Variants in RBMS1 observed in about 807,000 individuals in gnomAD.
RBMS1 encodes RNA-binding motif, single-stranded-interacting protein 1.
Under a neutral mutation model 62.3 loss-of-function variants are expected in RBMS1, and 17 were observed. The observed-to-expected ratio is 0.27, with a 90% confidence interval of 0.19 to 0.41. The LOEUF (loss-of-function observed/expected upper bound fraction) is 0.41, where lower values mean the gene tolerates loss of function less well. Ranked by LOEUF, RBMS1 falls within the 10% of genes least tolerant of loss-of-function variation. The probability of loss-of-function intolerance (pLI) is 1.00; values close to 1 mark genes in which losing one functional copy is unlikely to be tolerated. For missense variants in RBMS1, 334 were observed against 504.5 expected, an observed-to-expected ratio of 0.66 and a Z score of 3.24; for synonymous variants, 172 against 170.0, an observed-to-expected ratio of 1.01 and a Z score of -0.09.
At chr2:160,337,139 T>TC (rs1231388635) in intron 2 of RBMS1, among the ~76,000 whole-genome samples, 3 of 149,988 alleles carry the variant, frequency 2.0e-5, no homozygotes, top group South Asian at 2.1e-4. Flanking sequence ...TCTTTTCTTT[T>TC]TTTTTTTTTT....
At chr2:160,326,104 G>T (rs763515148) in intron 2 of RBMS1, among the ~76,000 whole-genome samples, 1 of 152,122 alleles carries the variant, frequency 6.6e-6, no homozygotes, top group Non-Finnish European at 1.5e-5. Flanking sequence ...AGAATGCTTG[G>T]CAAGAAAAGC....
intron 2 of RBMS1, among the ~76,000 whole-genome samples, chr2:160,343,611 TG>T (rs1692007600): frequency 6.6e-6 from 1 of 152,178 alleles, no homozygotes; most frequent in Admixed American, 6.5e-5. Context: ...GTGAGTCACC[TG>T]GAGTAAAATT....
chr2:160,458,375 T>C (rs572071257), intron 1 of RBMS1, among the ~76,000 whole-genome samples: 2 of 152,360 alleles, frequency 1.3e-5, no homozygotes, highest in South Asian at 4.1e-4. Context: ...TATTTAAAGT[T>C]ACTTAAATCT....
intron 1 of RBMS1, among the ~76,000 whole-genome samples, chr2:160,442,642 T>C (rs1683456311): frequency 6.6e-6 from 1 of 152,118 alleles, no homozygotes; most frequent in Non-Finnish European, 1.5e-5. Flanking sequence ...AGCTCAGATA[T>C]AAAAAGACTC....
At chr2:160,312,422 T>G (rs1397919177) in intron 4 of RBMS1, among the ~76,000 whole-genome samples, 1 of 152,226 alleles carries the variant, frequency 6.6e-6, no homozygotes, top group Non-Finnish European at 1.5e-5. Flanking sequence ...CCATGTGTAC[T>G]GTGCTAAAAT....
intron 1 of RBMS1, among the ~76,000 whole-genome samples, chr2:160,441,993 ATTGT>A (rs1683429243): frequency 6.6e-6 from 1 of 151,976 alleles, no homozygotes; most frequent in African/African-American, 2.4e-5. Context: ...ATTTAATTGG[ATTGT>A]TTGTCTTTTT....
chr2:160,405,303 GAT>G (rs1196692430), intron 1 of RBMS1, among the ~76,000 whole-genome samples: 5 of 150,320 alleles, frequency 3.3e-5, no homozygotes, highest in African/African-American at 9.8e-5. Context: ...TCTAACAGCT[GAT>G]TATGTATTTC....
At chr2:160,385,120 C>CAGAA (rs1694498583) in intron 1 of RBMS1, among the ~76,000 whole-genome samples, 2 of 152,196 alleles carry the variant, frequency 1.3e-5, no homozygotes, top group African/African-American at 4.8e-5. Flanking sequence ...GTACAGCCTG[C>CAGAA]AGAACCATGT....
chr2:160,486,068 T>C (rs1231628912), intron 1 of RBMS1, among the ~76,000 whole-genome samples: 1 of 152,174 alleles, frequency 6.6e-6, no homozygotes, highest in African/African-American at 2.4e-5. Flanking sequence ...ATCTGAGACC[T>C]TATTATATAA....
At position 160,493,760 on chromosome 2, in the gene RBMS1, A is replaced by C; in HGVS notation, c.-397T>G. 5.2e-6 allele frequency: 1 copy of C among 193,016 alleles called. No individual in the cohort carries two copies. Among genetic ancestry groups the C allele is most frequent in the Non-Finnish European group, 1.0e-5 (1 of 96,868 alleles). 12.0% of individuals were successfully genotyped at this position (193,016 alleles called of 1,614,324 possible). On this transcript the variant is annotated 5_prime_UTR_variant, in exon 1 of 14. Coordinates refer to ENST00000348849, the MANE Select transcript of RBMS1 (RefSeq NM_016836.4). ...GCGGGGCTGAGAGGTGATCAATACA[A>C]GTGGAAAGTGCGGCAGCGGCGGCTG...
intron 1 of RBMS1, among the ~76,000 whole-genome samples, chr2:160,486,144 A>G (rs1004243164): frequency 6.6e-6 from 1 of 152,182 alleles, no homozygotes; most frequent in Non-Finnish European, 1.5e-5. Context: ...CAATTCAAAT[A>G]TACTCCCAAT....
chr2:160,328,144 A>T (rs1691054295), intron 2 of RBMS1, among the ~76,000 whole-genome samples: 1 of 152,152 alleles, frequency 6.6e-6, no homozygotes, highest in African/African-American at 2.4e-5. Context: ...TGGCCTCAGG[A>T]TCCTCATCTG....
chr2:160,472,494 T>G (rs1413236794), intron 1 of RBMS1, among the ~76,000 whole-genome samples: 1 of 152,214 alleles, frequency 6.6e-6, no homozygotes, highest in Non-Finnish European at 1.5e-5. Flanking sequence ...CAAAATATGA[T>G]GTGAACTTAA....
At chr2:160,471,691 G>GTGTGTATGTATATA (rs1275928756) in intron 1 of RBMS1, among the ~76,000 whole-genome samples, 1 of 65,942 alleles carries the variant, frequency 1.5e-5, no homozygotes, top group Non-Finnish European at 3.2e-5. Context: ...ATCCTTTGGT[G>GTGTGTATGTATATA]TATATATATA....
intron 1 of RBMS1, among the ~76,000 whole-genome samples, chr2:160,390,015 T>C (rs986288809): frequency 3.3e-5 from 5 of 152,212 alleles, no homozygotes; most frequent in African/African-American, 9.6e-5. Flanking sequence ...AGCTCTGTAA[T>C]AGCTTTCAAA....
intron 1 of RBMS1, among the ~76,000 whole-genome samples, chr2:160,489,022 G>A (rs1472079845): frequency 6.6e-6 from 1 of 152,180 alleles, no homozygotes; most frequent in African/African-American, 2.4e-5. Context: ...TAAGGTGTAT[G>A]TAGTTATACT....
intron 2 of RBMS1, among the ~76,000 whole-genome samples, chr2:160,327,527 AG>A (rs144635316): frequency 0.045 from 6,812 of 152,308 alleles, 247 homozygotes; most frequent in Non-Finnish European, 0.073. Flanking sequence ...TTGCTATTAT[AG>A]TTTAGTATCA....
At chr2:160,370,372 C>T (rs529171295) in intron 1 of RBMS1, among the ~76,000 whole-genome samples, 1 of 152,276 alleles carries the variant, frequency 6.6e-6, no homozygotes, top group Admixed American at 6.5e-5. Flanking sequence ...CAGTGGCTCA[C>T]GCCTGTAATC....
intron 1 of RBMS1, among the ~76,000 whole-genome samples, chr2:160,370,917 T>C (rs1693691821): frequency 2.6e-5 from 4 of 152,312 alleles, no homozygotes; most frequent in African/African-American, 9.6e-5. Flanking sequence ...ACACAGTCTG[T>C]TAAGTATTAA....
Sources: allele counts gnomAD v4.1 joint callset (sites outside exome capture counted in the v4.1 genomes callset), GRCh38; gene constraint gnomAD v4.1.1; transcripts MANE v1.5; gene names NCBI Gene and HGNC (gene_info 2026-07-23, HGNC 2026-07-21).